FAT3: variants seen among roughly 807,000 people sequenced by gnomAD.
FAT3 encodes the protein protocadherin Fat 3.
FAT3 carries 95 observed loss-of-function variants against 310.2 expected under a neutral mutation model. That is an observed-to-expected ratio of 0.31 (90% CI 0.26 to 0.36). FAT3 has a LOEUF of 0.36. Among genes scored for constraint, FAT3 ranks in the 10% least tolerant of loss-of-function variants. The pLI, the probability that FAT3 is intolerant of heterozygous loss-of-function variation, is 1.00. For missense variants in FAT3, 5,408 were observed against 5,715.6 expected (o/e 0.95, Z 1.74); for synonymous variants, 2,314 against 2,192.9 (o/e 1.06, Z -1.54).
chr11:92,755,866 A>T (rs778073772), intron 4 of FAT3, among the ~76,000 whole-genome samples: 1 of 152,178 alleles, frequency 6.6e-6, no homozygotes, highest in Non-Finnish European at 1.5e-5. Context: ...TCGGTTGGTT[A>T]TTTGGTTGAT....
chr11:92,254,558 T>A (rs538975209), intron 1 of FAT3, among the ~76,000 whole-genome samples: 2 of 152,140 alleles, frequency 1.3e-5, no homozygotes, highest in Non-Finnish European at 2.9e-5. Context: ...GTGGGGAGAC[T>A]TGGATAAATT....
Position 92,687,508 on chromosome 11 carries a change from A to C in FAT3, c.3608-9876A>C, listed in dbSNP as rs187751747. ...ATGTTTTCTGATTGTACAATTCAGC[A>C]TTAATCTTTCCTTCTTAGGGACACT... On this transcript the variant is annotated intron_variant, in intron 3 of 27. Transcript: ENST00000525166. Among the ~76,000 whole-genome samples the C allele has an allele frequency of 2.5e-3, 385 of 152,328 alleles. 1 individual carries two copies. Among genetic ancestry groups the C allele is most frequent in the Non-Finnish European group, 4.8e-3 (328 of 68,028 alleles).
At chr11:92,544,580 G>A (rs549653122) in intron 3 of FAT3, among the ~76,000 whole-genome samples, 1 of 152,266 alleles carries the variant, frequency 6.6e-6, no homozygotes, top group African/African-American at 2.4e-5. Flanking sequence ...GGGACAAACT[G>A]TGTCTGCCAT....
At chr11:92,272,721 A>G (rs925749924) in intron 1 of FAT3, among the ~76,000 whole-genome samples, 1 of 152,024 alleles carries the variant, frequency 6.6e-6, no homozygotes, top group African/African-American at 2.4e-5. Flanking sequence ...GCCCCAAATG[A>G]CTGAAATGTT....
At chr11:92,415,735 G>T (rs939811002) in intron 2 of FAT3, among the ~76,000 whole-genome samples, 1 of 151,826 alleles carries the variant, frequency 6.6e-6, no homozygotes, top group African/African-American at 2.4e-5. Flanking sequence ...GCTTTGCAAC[G>T]TGCAAATGGG....
At chr11:92,469,584 G>A (rs942412457) in intron 2 of FAT3, among the ~76,000 whole-genome samples, 1 of 151,584 alleles carries the variant, frequency 6.6e-6, no homozygotes, top group Non-Finnish European at 1.5e-5. Flanking sequence ...GTGCGATCTC[G>A]GCTCACTGCA....
At chr11:92,551,291 A>G (rs1002727988) in intron 3 of FAT3, among the ~76,000 whole-genome samples, 2 of 152,066 alleles carry the variant, frequency 1.3e-5, no homozygotes, top group Non-Finnish European at 2.9e-5. Flanking sequence ...CTACTCTGGG[A>G]AAACTATTCT....
At chr11:92,433,115 CAAA>C (rs1443049895) in intron 2 of FAT3, among the ~76,000 whole-genome samples, 4 of 152,126 alleles carry the variant, frequency 2.6e-5, no homozygotes, top group African/African-American at 7.2e-5. Flanking sequence ...GGGTGGACTT[CAAA>C]CTGCTGTGCT....
intron 1 of FAT3, among the ~76,000 whole-genome samples, chr11:92,334,539 C>G (rs1013492134): frequency 6.6e-6 from 1 of 151,352 alleles, no homozygotes; most frequent in Non-Finnish European, 1.5e-5. Flanking sequence ...AGAGACTGAT[C>G]TATTGCCTAG....
chr11:92,388,511 G>A (rs530228318), intron 2 of FAT3, among the ~76,000 whole-genome samples: 6 of 152,300 alleles, frequency 3.9e-5, no homozygotes, highest in African/African-American at 1.4e-4. Context: ...TTGTTCTAAA[G>A]TGACGTATTT....
intron 4 of FAT3, among the ~76,000 whole-genome samples, chr11:92,706,389 G>A (rs1035322238): frequency 1.3e-5 from 2 of 152,100 alleles, no homozygotes; most frequent in Non-Finnish European, 1.5e-5. Flanking sequence ...CAGTAATTCA[G>A]AGAAGCAGCA....
In FAT3 at chr11:92,678,398, G is replaced by T. The variant is rs1354024166; in HGVS notation, c.3608-18986G>T. 2.6e-5 allele frequency among the ~76,000 whole-genome samples: 4 copies of T among 152,176 alleles called. No homozygotes were observed. The East Asian group carries it at 7.7e-4, about 29-fold the overall frequency. On this transcript the variant is annotated intron_variant, in intron 3 of 27. Coordinates refer to ENST00000525166, the MANE Select transcript of FAT3 (RefSeq NM_001367949.2). ...TTTGATTCAGTTCTAGGAACTCAGT[G>T]TGAATCGGCCTTAGGCTCTTTACCT...
chr11:92,808,364 T>C (rs991063340), intron 12 of FAT3, among the ~76,000 whole-genome samples: 17 of 152,130 alleles, frequency 1.1e-4, no homozygotes, highest in African/African-American at 3.9e-4. Flanking sequence ...AAGGAAGAAC[T>C]AGCATTTGAA....
chr11:92,498,661 G>T, intron 2 of FAT3: 1 of 153,372 alleles, frequency 6.5e-6, no homozygotes, highest in South Asian at 2.0e-4. Context: ...TTTTTGCCCT[G>T]AACATCTTTA....
intron 2 of FAT3, among the ~76,000 whole-genome samples, chr11:92,356,188 T>C (rs1391600227): frequency 6.6e-6 from 1 of 152,212 alleles, no homozygotes; most frequent in African/African-American, 2.4e-5. Flanking sequence ...AAAATGTTCA[T>C]GTGCCTGGAC....
chr11:92,265,188 C>G (rs1945902336), intron 1 of FAT3, among the ~76,000 whole-genome samples: 1 of 151,856 alleles, frequency 6.6e-6, no homozygotes, highest in Admixed American at 6.6e-5. Flanking sequence ...TTTTAGTGAC[C>G]TGGGCCCTGA....
intron 8 of FAT3, 74 bp downstream of exon 8, chr11:92,790,292 G>C (rs1214162557): frequency 6.9e-7 from 1 of 1,440,722 alleles, no homozygotes; most frequent in Non-Finnish European, 9.4e-7. Flanking sequence ...GCCTTCAGAA[G>C]TATAGGGCCC....
intron 13 of FAT3, among the ~76,000 whole-genome samples, chr11:92,827,677 G>A (rs552985443): frequency 2.6e-5 from 4 of 152,186 alleles, no homozygotes; most frequent in South Asian, 4.2e-4. Context: ...TAAACCTTCC[G>A]AGAGGCAGAA....
rs984492007 is a variant in FAT3, at chr11:92,778,609, A to G, written c.4335+4429A>G. 3.3e-5 allele frequency among the ~76,000 whole-genome samples: 5 copies of G among 152,198 alleles called. No homozygotes were observed. In the South Asian group the frequency reaches 1.0e-3, roughly 32 times the overall value. On this transcript the variant is annotated intron_variant, in intron 7 of 27. Coordinates refer to ENST00000525166, the MANE Select transcript of FAT3 (RefSeq NM_001367949.2). ...TGTTAATAAATTTTGGCATGTGTAT[A>G]TGTTTTTCTAGAGAGAAAGTCCATA...
Sources: gnomAD v4.1 joint callset for allele counts (sites outside exome capture counted in the v4.1 genomes callset) on GRCh38, gnomAD v4.1.1 for gene constraint, MANE v1.5 for transcripts, NCBI Gene and HGNC (gene_info 2026-07-23, HGNC 2026-07-21) for gene names.